Variants in EIF2B2 observed in about 807,000 individuals in gnomAD.
The protein encoded by EIF2B2 is eukaryotic translation initiation factor 2B subunit beta.
In EIF2B2, 34 loss-of-function variants were observed where a neutral mutation model predicts 34.7. That is an observed-to-expected ratio of 0.98 (90% confidence interval 0.75 to 1.31). The LOEUF (loss-of-function observed/expected upper bound fraction) is 1.31. Among genes scored for constraint, EIF2B2 ranks in the 50% most tolerant of loss-of-function variants. The pLI is 0.00. For missense variants in EIF2B2, 361 were observed against 447.7 expected, an observed-to-expected ratio of 0.81 and a Z score of 1.75; for synonymous variants, 155 against 171.6, an observed-to-expected ratio of 0.90 and a Z score of 0.76.
At chr14:75,008,967 A>G in intron 7 of EIF2B2, 64 bp from the exon 8 acceptor site, 1 of 1,607,974 alleles carries the variant, frequency 6.2e-7, no homozygotes, top group Non-Finnish European at 8.5e-7. Flanking sequence ...TGGAATCTAT[A>G]TGCTACTTAA....
chr14:75,004,445 C>T (rs1387489356), intron 3 of EIF2B2, among the ~76,000 whole-genome samples: 2 of 142,074 alleles, frequency 1.4e-5, no homozygotes, highest in African/African-American at 2.6e-5. Context: ...AATCCCACAA[C>T]TTTGGGAGGC....
intron 6 of EIF2B2, chr14:75,007,509 A>T (rs1297580196): frequency 1.7e-5 from 8 of 481,292 alleles, no homozygotes; most frequent in Non-Finnish European, 2.6e-5. Flanking sequence ...GAGGCTGAAT[A>T]ATATTCCATT....
chr14:75,002,947 G>C lies in EIF2B2; in HGVS notation c.-44G>C, dbSNP rs1336113918. On this transcript the variant is annotated 5_prime_UTR_variant, in exon 1 of 8. Transcript: ENST00000266126. Reference sequence around the variant, plus strand: ...GAAGTGCAAACTGTGTGGTCTGGCAGGTGTGGATTCCGCCGGTGAAGGCTG... The same window carrying C: ...GAAGTGCAAACTGTGTGGTCTGGCACGTGTGGATTCCGCCGGTGAAGGCTG... 1 of 1,612,764 alleles carries C rather than the reference G, an allele frequency of 6.2e-7. No homozygotes were observed. Among genetic ancestry groups the C allele is most frequent in the South Asian group, 1.1e-5 (1 of 91,010 alleles).
chr14:75,003,708 C>T lies in EIF2B2; in HGVS notation c.433+9C>T. ...GCTGCTAGTGGAGCTGGGTAAGAGG[C>T]CTGATCGCTGGGAAAATGGGACTGG... On this transcript the variant is annotated intron_variant, in intron 3 of 7. Transcript: ENST00000266126. 1 of 1,614,150 alleles carries T rather than the reference C, an allele frequency of 6.2e-7. No homozygotes were observed. The highest frequency in any genetic ancestry group is 8.5e-7 in the Non-Finnish European group (1 of 1,180,030).
chr14:75,004,678 TA>T lies in EIF2B2; in HGVS notation c.434-58del. 1.2e-4 allele frequency: 20 copies of T among 168,200 alleles called. 3 individuals carry two copies. The South Asian group carries it at 1.4e-3, about 11-fold the overall frequency. The allele number at this position is 168,200 out of a possible 1,614,324, so 10.4% of individuals were successfully genotyped here. A position where few individuals can be genotyped will look rare whatever the true frequency, so the allele number is the denominator to read the frequency against. On this transcript the variant is annotated intron_variant, in intron 3 of 7. Coordinates refer to ENST00000266126, the MANE Select transcript of EIF2B2 (RefSeq NM_014239.4). Reference sequence around the variant, plus strand: ...GATATAGCAATTTCATATATATATATATATATATATATTTTTTTTTTTTTTT... The same window carrying T: ...GATATAGCAATTTCATATATATATATTATATATATATTTTTTTTTTTTTTT...
In EIF2B2 at chr14:75,003,717, T is replaced by C; in HGVS notation, c.433+18T>C. 6.2e-7 allele frequency: 1 copy of C among 1,614,016 alleles called. No homozygotes were observed. The highest frequency in any genetic ancestry group is 8.5e-7 in the Non-Finnish European group (1 of 1,179,982). On this transcript the variant is annotated intron_variant, in intron 3 of 7. Transcript: ENST00000266126. ...GGAGCTGGGTAAGAGGCCTGATCGC[T>C]GGGAAAATGGGACTGGTCACAGGCA...
rs1222046423 is a variant in EIF2B2 at position 75,006,572 on chromosome 14, C to T, written c.694-5C>T. On this transcript the variant is annotated splice_region_variant and splice_polypyrimidine_tract_variant and intron_variant, in intron 5 of 7. Transcript: ENST00000266126. This position sits in a 1 kb window ranked among gnomAD's most constrained non-coding sequence, Gnocchi z 4.1. ...ATGGCTCACATTTTTTGTCTTGTCC[C>T]AAAGGTGATCATTGGCACGAAGACC... is the stretch of plus-strand genomic sequence containing the variant. 1.2e-6 allele frequency: 2 copies of T among 1,613,812 alleles called. No individual in the cohort carries two copies. The highest frequency in any genetic ancestry group is 1.6e-4 in the Middle Eastern group (1 of 6,062).
chr14:75,004,338 G>C (rs1025900877), intron 3 of EIF2B2, among the ~76,000 whole-genome samples: 1 of 152,108 alleles, frequency 6.6e-6, no homozygotes, highest in African/African-American at 2.4e-5. Flanking sequence ...GTGGTTCATA[G>C]GTAGGGGTAC....
In EIF2B2 at chr14:75,006,168, G is replaced by C. The variant is rs1384244862; in HGVS notation, c.693+207G>C. 5.5e-6 allele frequency: 3 copies of C among 543,174 alleles called. No individual in the cohort carries two copies. Among genetic ancestry groups the C allele is most frequent in the African/African-American group, 1.9e-5 (1 of 52,592 alleles). 33.6% of individuals were successfully genotyped at this position (543,174 alleles called of 1,614,324 possible). ...CTCTCTTGGAGTAGCCTCTAAATTT[G>C]GTTGAAGCATTGAAAAGAATGAAGT... is the stretch of plus-strand genomic sequence containing the variant. On this transcript the variant is annotated intron_variant, in intron 5 of 7. Transcript: ENST00000266126. This position sits in a 1 kb window ranked among gnomAD's most constrained non-coding sequence, Gnocchi z 4.1.
At chr14:75,007,499 G>A (rs528320429) in intron 6 of EIF2B2, 3 of 443,130 alleles carry the variant, frequency 6.8e-6, no homozygotes, top group East Asian at 4.4e-5. Context: ...ATTTCCTTTC[G>A]AGGCTGAATA....
chr14:75,006,944 G>T lies in EIF2B2; in HGVS notation c.831+230G>T. 1.4e-6 allele frequency: 1 copy of T among 709,134 alleles called. No individual in the cohort carries two copies. 43.9% of individuals were successfully genotyped at this position (709,134 alleles called of 1,614,324 possible). A position where few individuals can be genotyped will look rare whatever the true frequency, so the allele number is the denominator to read the frequency against. ...GAAGTCAAGATTGTAAGGACAATAT[G>T]TAGTTGGGAAAGGTCCTTTGCTTAC... On this transcript the variant is annotated intron_variant, in intron 6 of 7. Coordinates refer to ENST00000266126, the MANE Select transcript of EIF2B2 (RefSeq NM_014239.4). This position sits in a 1 kb window ranked among gnomAD's most constrained non-coding sequence, Gnocchi z 4.1.
chr14:75,005,730 A>G, intron 4 of EIF2B2, 136 bp from the exon 5 acceptor site: 2 of 746,326 alleles, frequency 2.7e-6, no homozygotes. Context: ...AGTTGTCCGA[A>G]AAATGAGTTA....
chr14:75,003,715 GC>G lies in EIF2B2; in HGVS notation c.433+17del. The G allele has an allele frequency of 6.2e-7, 1 of 1,614,082 alleles. No homozygotes were observed. The highest frequency in any genetic ancestry group is 8.5e-7 in the Non-Finnish European group (1 of 1,179,994). On this transcript the variant is annotated intron_variant, in intron 3 of 7. Coordinates refer to ENST00000266126, the MANE Select transcript of EIF2B2 (RefSeq NM_014239.4). ...GTGGAGCTGGGTAAGAGGCCTGATC[GC>G]TGGGAAAATGGGACTGGTCACAGGC...
chr14:75,003,261 C>G lies in EIF2B2; in HGVS notation c.164-14C>G. The G allele has an allele frequency of 1.2e-6, 2 of 1,613,624 alleles. No homozygotes were observed. The highest frequency in any genetic ancestry group is 1.7e-6 in the Non-Finnish European group (2 of 1,180,020). ...CGCGTTGGCTCCTCTTATCCTCTCT[C>G]TTTTGGACTGTAGGGGAGCTGATGG... On this transcript the variant is annotated splice_polypyrimidine_tract_variant and intron_variant, in intron 1 of 7. Transcript: ENST00000266126.
intron 3 of EIF2B2, 31 bp from the exon 4 acceptor site, chr14:75,004,681 ATATATATATTTTTTTTTTTTTTTTT>A: frequency 6.3e-6 from 1 of 159,020 alleles, no homozygotes; most frequent in East Asian, 1.6e-4. Flanking sequence ...ATATATATAT[ATATATATATTTTTTTTTTTTTTTTT>A]TTTTTTTTTT....
intron 2 of EIF2B2, 77 bp downstream of exon 2, chr14:75,003,472 TTA>T: frequency 1.2e-6 from 2 of 1,614,000 alleles, no homozygotes; most frequent in Non-Finnish European, 1.7e-6. Context: ...CTCGGAGACT[TTA>T]TTGGAGCTGA....
intron 7 of EIF2B2, 142 bp downstream of exon 7, chr14:75,007,930 G>A (rs1316545472): frequency 2.5e-6 from 2 of 796,282 alleles, no homozygotes; most frequent in African/African-American, 3.4e-5. Context: ...CTTCTTGTGG[G>A]GACTGTTTTC....
In EIF2B2 at chr14:75,009,085, C is replaced by T; in HGVS notation, c.953C>T (p.Pro318Leu). The T allele has an allele frequency of 6.2e-7, 1 of 1,614,114 alleles. No homozygotes were observed. The highest frequency in any genetic ancestry group is 1.1e-5 in the South Asian group (1 of 91,076). The change falls in exon 8 of 8, where the codon CCA (proline) becomes CTA (leucine). Residue 318 changes from proline to leucine, a missense_variant. Physicochemically the swap from Pro to Leu is moderately conservative, Grantham distance 98. Coordinates refer to ENST00000266126, the MANE Select transcript of EIF2B2 (RefSeq NM_014239.4). ...VHCPVFDYVP[P>L]ELITLFISNI... ...TGCCCTGTGTTTGACTACGTTCCCC[C>T]AGAGCTCATTACCCTCTTTATCTCC...
intron 6 of EIF2B2, 34 bp from the exon 7 acceptor site, chr14:75,007,688 G>C (rs764159474): frequency 8.9e-6 from 14 of 1,570,218 alleles, no homozygotes; most frequent in Non-Finnish European, 1.1e-5. Flanking sequence ...GGAATTGCTG[G>C]GTCTCTAGTT....
Sources: allele counts gnomAD v4.1 joint callset (sites outside exome capture counted in the v4.1 genomes callset), GRCh38; gene constraint gnomAD v4.1.1; non-coding constraint Gnocchi (gnomAD v3.1); transcripts MANE v1.5; gene names NCBI Gene and HGNC (gene_info 2026-07-23, HGNC 2026-07-21).